Variants in OXR1 observed in about 807,000 individuals in gnomAD.
OXR1 encodes oxidation resistance protein 1.
OXR1 carries 41 observed loss-of-function variants against 104.6 expected under a neutral mutation model. The ratio of observed to expected loss-of-function variants is 0.39; its 90% confidence interval spans 0.31 to 0.51. The LOEUF (loss-of-function observed/expected upper bound fraction) is 0.51. OXR1 is among the 20% of genes least tolerant of loss of function. The pLI is 0.77. For synonymous variants in OXR1, 348 were observed against 348.4 expected (o/e 1.00, Z 0.01); for missense variants, 955 against 1,031.9 (o/e 0.93, Z 1.02).
chr8:106,429,659 C>CAAA, intron 2 of OXR1, among the ~76,000 whole-genome samples: 1 of 94,010 alleles, frequency 1.1e-5, no homozygotes, highest in Admixed American at 1.2e-4. Context: ...GACTCTGTCT[C>CAAA]AAAAAAAAAA....
chr8:106,478,660 A>G (rs2129720679), intron 2 of OXR1, among the ~76,000 whole-genome samples: 1 of 151,918 alleles, frequency 6.6e-6, no homozygotes, highest in East Asian at 1.9e-4. Flanking sequence ...TGGGTAAGTT[A>G]GAGTGAGATG....
At chr8:106,577,853 T>C (rs1168607538) in intron 3 of OXR1, among the ~76,000 whole-genome samples, 2 of 152,172 alleles carry the variant, frequency 1.3e-5, no homozygotes, top group Non-Finnish European at 2.9e-5. Context: ...GGTACGCTTG[T>C]AGTTCCTGTA....
At chr8:106,434,386 A>G (rs563082670) in intron 2 of OXR1, among the ~76,000 whole-genome samples, 2 of 152,202 alleles carry the variant, frequency 1.3e-5, no homozygotes, top group Non-Finnish European at 2.9e-5. Flanking sequence ...ATTAAACTGA[A>G]CAGATGAGGA....
intron 2 of OXR1, among the ~76,000 whole-genome samples, chr8:106,388,349 C>G (rs910222005): frequency 1.3e-5 from 2 of 152,168 alleles, no homozygotes; most frequent in African/African-American, 4.8e-5. Context: ...ATTCAAAGAC[C>G]TGCAGCCCTT....
At chr8:106,547,555 G>A (rs776667558) in intron 3 of OXR1, among the ~76,000 whole-genome samples, 26 of 145,788 alleles carry the variant, frequency 1.8e-4, no homozygotes, top group Non-Finnish European at 3.7e-4. Flanking sequence ...ATGCAATGGC[G>A]CAATCTCAGC....
chr8:106,644,233 A>G (rs1823890570), intron 3 of OXR1, among the ~76,000 whole-genome samples: 1 of 152,228 alleles, frequency 6.6e-6, no homozygotes, highest in Non-Finnish European at 1.5e-5. Context: ...TCACATACAC[A>G]AAAGGTAAAT....
intron 6 of OXR1, among the ~76,000 whole-genome samples, chr8:106,687,309 A>T (rs1270379162): frequency 1.3e-5 from 2 of 152,088 alleles, no homozygotes; most frequent in Non-Finnish European, 2.9e-5. Flanking sequence ...AAATTTAGGT[A>T]TCTGTTTCTC....
intron 3 of OXR1, among the ~76,000 whole-genome samples, chr8:106,608,439 T>G (rs974066049): frequency 5.3e-5 from 8 of 152,114 alleles, no homozygotes; most frequent in Non-Finnish European, 1.2e-4. Context: ...TTGGTGGTGG[T>G]TTCTGTGGGA....
intron 2 of OXR1, among the ~76,000 whole-genome samples, chr8:106,393,629 T>C (rs1313607316): frequency 6.6e-6 from 1 of 152,062 alleles, no homozygotes; most frequent in Non-Finnish European, 1.5e-5. Context: ...TTCTTCTTGA[T>C]GGTTTTTGTG....
At chr8:106,560,357 C>CT (rs368581746) in intron 3 of OXR1, among the ~76,000 whole-genome samples, 96 of 152,222 alleles carry the variant, frequency 6.3e-4, no homozygotes, top group African/African-American at 2.0e-3. Context: ...TTCTTCTGTG[C>CT]TTTTTTTGCA....
At chr8:106,628,402 AT>A (rs1822364263) in intron 3 of OXR1, among the ~76,000 whole-genome samples, 2 of 152,168 alleles carry the variant, frequency 1.3e-5, no homozygotes, top group Admixed American at 6.6e-5. Context: ...TATAAACTCC[AT>A]TTTATAAATG....
chr8:106,676,320 A>G (rs563435487), intron 3 of OXR1, among the ~76,000 whole-genome samples: 2 of 152,062 alleles, frequency 1.3e-5, no homozygotes, highest in Admixed American at 1.3e-4. Flanking sequence ...TAAGGTTAGT[A>G]TTGTTATGTG....
At chr8:106,338,162 G>C (rs1284368587) in intron 1 of OXR1, among the ~76,000 whole-genome samples, 1 of 152,058 alleles carries the variant, frequency 6.6e-6, no homozygotes, top group African/African-American at 2.4e-5. Flanking sequence ...ATAATCAAAC[G>C]GAAACTTTAA....
At chr8:106,714,367 G>C (rs1422879078) in intron 11 of OXR1, among the ~76,000 whole-genome samples, 1 of 151,970 alleles carries the variant, frequency 6.6e-6, no homozygotes, top group Admixed American at 6.6e-5. Context: ...CTCCTCCATG[G>C]AGGAGGTACG....
chr8:106,606,821 G>T (rs1820436468), intron 3 of OXR1, among the ~76,000 whole-genome samples: 1 of 151,950 alleles, frequency 6.6e-6, no homozygotes, highest in Non-Finnish European at 1.5e-5. Flanking sequence ...TATTTTTTAG[G>T]GGGTCATCAT....
intron 1 of OXR1, among the ~76,000 whole-genome samples, chr8:106,356,130 A>C (rs1384478338): frequency 6.6e-6 from 1 of 152,176 alleles, no homozygotes; most frequent in East Asian, 1.9e-4. Context: ...ATTGGCACTT[A>C]TTTAAATTAG....
chr8:106,626,470 T>C (rs1439761932), intron 3 of OXR1, among the ~76,000 whole-genome samples: 1 of 151,846 alleles, frequency 6.6e-6, no homozygotes, highest in Non-Finnish European at 1.5e-5. Context: ...GTCCTTTTCA[T>C]ATTTTTACAT....
At chr8:106,428,804 C>T (rs528650468) in intron 2 of OXR1, among the ~76,000 whole-genome samples, 11 of 152,056 alleles carry the variant, frequency 7.2e-5, no homozygotes, top group Non-Finnish European at 1.5e-4. Flanking sequence ...CAACTTAGCA[C>T]GTACCGAGGA....
At chr8:106,697,533 C>G (rs57378512) in intron 7 of OXR1, 20,705 of 1,610,992 alleles carry the variant, frequency 0.013, 316 homozygotes, top group Admixed American at 0.072. Flanking sequence ...CCGAGAAGTT[C>G]CGAGGATTCT....
Sources: allele counts gnomAD v4.1 joint callset (sites outside exome capture counted in the v4.1 genomes callset), GRCh38; gene constraint gnomAD v4.1.1; transcripts MANE v1.5; gene names NCBI Gene and HGNC (gene_info 2026-07-23, HGNC 2026-07-21).